The following FFAR4 variants were observed in gnomAD, a reference collection of about 807,000 sequenced individuals.
FFAR4 encodes the protein free fatty acid receptor 4.
In FFAR4, 19 loss-of-function variants were observed where a neutral mutation model predicts 27.0. That is an observed-to-expected ratio of 0.70 (90% CI 0.49 to 1.03). The LOEUF (loss-of-function observed/expected upper bound fraction) is 1.03, where lower values mean the gene tolerates loss of function less well. Ranked by LOEUF, FFAR4 falls within the 50% of genes least tolerant of loss-of-function variation. The pLI is 0.00. For missense variants in FFAR4, 476 were observed against 479.0 expected, an observed-to-expected ratio of 0.99 and a Z score of 0.06; for synonymous variants, 254 against 215.6, an observed-to-expected ratio of 1.18 and a Z score of -1.56.
chr10:93,580,230 T>C (rs2058189848), intron 2 of FFAR4, among the ~76,000 whole-genome samples: 1 of 152,234 alleles, frequency 6.6e-6, no homozygotes, highest in South Asian at 2.1e-4. Context: ...TGGTTTTACA[T>C]AACTCTGTAA....
chr10:93,583,659 T>G (rs1348862212), intron 2 of FFAR4, among the ~76,000 whole-genome samples: 2 of 152,204 alleles, frequency 1.3e-5, no homozygotes, highest in South Asian at 4.1e-4. Context: ...GGCGTCAGGC[T>G]GCCAAGTTGG....
At chr10:93,581,754 C>T (rs1448079087) in intron 2 of FFAR4, among the ~76,000 whole-genome samples, 1 of 152,160 alleles carries the variant, frequency 6.6e-6, no homozygotes, top group East Asian at 1.9e-4. Context: ...TCACCCAGCC[C>T]CACACAATCC....
chr10:93,567,222 G>A lies in FFAR4; in HGVS notation c.502G>A (p.Val168Ile). The A allele has an allele frequency of 6.2e-7, 1 of 1,601,548 alleles. No individual in the cohort carries two copies. ...GGCGCTCATCTGGGGCTATTCGGCGGTCGCCGCTCTGCCTCTCTGCGTCTT... is the reference window on the plus strand; with the variant it reads ...GGCGCTCATCTGGGGCTATTCGGCGATCGCCGCTCTGCCTCTCTGCGTCTT... ...LLALIWGYSA[V>I]AALPLCVFFR... The change falls in exon 1 of 3, where the codon GTC becomes ATC. Residue 168 changes from valine to isoleucine, a missense_variant. Coordinates refer to ENST00000371481, the MANE Select transcript of FFAR4 (RefSeq NM_001195755.2).
At chr10:93,572,135 C>T (rs2058135158) in intron 1 of FFAR4, among the ~76,000 whole-genome samples, 1 of 152,130 alleles carries the variant, frequency 6.6e-6, no homozygotes. Context: ...AAAAGGCAGG[C>T]TTGGTCCCCA....
At position 93,566,982 on chromosome 10, in the gene FFAR4, T is replaced by TTCA; in HGVS notation, c.266_268dup (p.Ile89dup). 1 of 1,611,910 alleles carries TTCA rather than the reference T, an allele frequency of 6.2e-7. No homozygotes were observed. Among genetic ancestry groups the TTCA allele is most frequent in the East Asian group, 2.2e-5 (1 of 44,848 alleles). On this transcript the variant is annotated inframe_insertion, in exon 1 of 3. Transcript: ENST00000371481. ...CAACCTCTTCTGCGCGGACCTGCTC[T>TTCA]TCATCAGCGCTATCCCTCTGGTGCT...
intron 1 of FFAR4, among the ~76,000 whole-genome samples, chr10:93,574,534 G>T (rs146571385): frequency 6.6e-6 from 1 of 152,174 alleles, no homozygotes; most frequent in African/African-American, 2.4e-5. Context: ...AAAGGAGGTG[G>T]TGCGGGTTTT....
chr10:93,578,017 C>T (rs568441146), intron 2 of FFAR4, among the ~76,000 whole-genome samples: 35 of 152,002 alleles, frequency 2.3e-4, no homozygotes, highest in Non-Finnish European at 4.7e-4. Flanking sequence ...GTGCTGATAT[C>T]GAAAGGAGAG....
At chr10:93,583,142 T>C (rs570500507) in intron 2 of FFAR4, among the ~76,000 whole-genome samples, 44 of 150,184 alleles carry the variant, frequency 2.9e-4, no homozygotes, top group African/African-American at 1.1e-3. Flanking sequence ...GTGGCTCAAG[T>C]CTGTAATCCT....
In FFAR4 at chr10:93,567,296, C is replaced by T. The variant is rs1473620648; in HGVS notation, c.567+9C>T. 6.3e-7 allele frequency: 1 copy of T among 1,596,176 alleles called. No individual in the cohort carries two copies. Among genetic ancestry groups the T allele is most frequent in the Admixed American group, 1.7e-5 (1 of 59,712 alleles). Reference sequence around the variant, plus strand: ...TCCCCGGCGCCGACCAGGTGAGCGCCCCTCTGTGTGTGCCGGGCAGGTGTC... The same window carrying T: ...TCCCCGGCGCCGACCAGGTGAGCGCTCCTCTGTGTGTGCCGGGCAGGTGTC... On this transcript the variant is annotated intron_variant, in intron 1 of 2. Coordinates refer to ENST00000371481, the MANE Select transcript of FFAR4 (RefSeq NM_001195755.2).
chr10:93,569,807 C>G (rs937786857), intron 1 of FFAR4, among the ~76,000 whole-genome samples: 1 of 151,554 alleles, frequency 6.6e-6, no homozygotes, highest in Non-Finnish European at 1.5e-5. Flanking sequence ...ACCTGTAATT[C>G]CAGCACTTTG....
At chr10:93,582,374 G>A (rs982747503) in intron 2 of FFAR4, among the ~76,000 whole-genome samples, 6 of 151,820 alleles carry the variant, frequency 4.0e-5, no homozygotes, top group Non-Finnish European at 5.9e-5. Context: ...GAGAAACCCC[G>A]TCTCTACTAA....
intron 1 of FFAR4, among the ~76,000 whole-genome samples, chr10:93,573,357 CAG>C (rs1355523581): frequency 3.3e-5 from 5 of 152,212 alleles, no homozygotes; most frequent in Admixed American, 3.3e-4. Flanking sequence ...TTTTTAAAAT[CAG>C]GGGACATTTC....
At chr10:93,574,821 C>G (rs574628042) in intron 1 of FFAR4, among the ~76,000 whole-genome samples, 1 of 151,676 alleles carries the variant, frequency 6.6e-6, no homozygotes, top group African/African-American at 2.4e-5. Flanking sequence ...ATCGCTTGAA[C>G]CTGGGAGGCG....
chr10:93,567,405 CGTT>C (rs2058105454), intron 1 of FFAR4, 118 bp downstream of exon 1: 1 of 871,484 alleles, frequency 1.1e-6, no homozygotes, highest in Admixed American at 2.6e-5. Flanking sequence ...TGCACTTAAT[CGTT>C]GTGCCAAATC....
At chr10:93,578,602 C>T (rs2058179795) in intron 2 of FFAR4, among the ~76,000 whole-genome samples, 1 of 152,078 alleles carries the variant, frequency 6.6e-6, no homozygotes, top group African/African-American at 2.4e-5. Flanking sequence ...AAATAGCAAA[C>T]ATAATGCCAG....
chr10:93,566,772 G>T lies in FFAR4; in HGVS notation c.52G>T (p.Glu18Ter). The T allele has an allele frequency of 6.2e-7, 1 of 1,608,186 alleles. No individual in the cohort carries two copies. Among genetic ancestry groups the T allele is most frequent in the Non-Finnish European group, 8.5e-7 (1 of 1,179,210 alleles). ...AAGDAPLRSL[E>*]QANRTRFPFF... ...GGGCGACGCGCCCTTGCGCAGCCTG[G>T]AGCAAGCCAACCGCACCCGCTTTCC... The change falls in exon 1 of 3, where the codon GAG (glutamate) becomes TAG (stop). Residue 18 changes from glutamate (E) to a stop codon, truncating the protein, a stop_gained. Transcript: ENST00000371481. LOFTEE classifies it high-confidence loss of function.
intron 1 of FFAR4, among the ~76,000 whole-genome samples, chr10:93,571,342 G>A (rs566487592): frequency 6.6e-5 from 10 of 152,270 alleles, no homozygotes; most frequent in African/African-American, 2.4e-4. Flanking sequence ...CACAAATCAC[G>A]TAAATCCACC....
chr10:93,586,097 C>A (rs183684512), intron 2 of FFAR4, among the ~76,000 whole-genome samples: 6 of 152,154 alleles, frequency 3.9e-5, no homozygotes, highest in Non-Finnish European at 7.3e-5. Flanking sequence ...TGTGTCCCCA[C>A]CCAAATCTCA....
At chr10:93,576,322 C>A in intron 2 of FFAR4, 103 bp downstream of exon 2, 1 of 1,210,802 alleles carries the variant, frequency 8.3e-7, no homozygotes. Flanking sequence ...GAGTTCACGC[C>A]AGCTCAATCT....
Sources: gnomAD v4.1 joint callset for allele counts (sites outside exome capture counted in the v4.1 genomes callset) on GRCh38, gnomAD v4.1.1 for gene constraint, MANE v1.5 for transcripts, NCBI Gene and HGNC (gene_info 2026-07-23, HGNC 2026-07-21) for gene names.